Variants in LATS2 observed in about 807,000 individuals in gnomAD.
LATS2 encodes the protein serine/threonine-protein kinase LATS2.
LATS2 carries 24 observed loss-of-function variants against 76.0 expected under a neutral mutation model. That is an observed-to-expected ratio of 0.32 (90% confidence interval 0.23 to 0.44). The LOEUF is 0.44. Ranked by LOEUF, LATS2 falls within the 20% of genes least tolerant of loss-of-function variation. The probability of loss-of-function intolerance (pLI) is 1.00; values close to 1 mark genes in which losing one functional copy is unlikely to be tolerated. For synonymous variants in LATS2, 692 were observed against 635.4 expected (o/e 1.09, Z -1.34); for missense variants, 1,286 against 1,481.2 (o/e 0.87, Z 2.16).
rs1184394830 is a variant in LATS2, at chr13:21,007,758, A to ATT, written c.343-16355_343-16354insAA. ...ATAGTATATATATATATATATATAT[A>ATT]TATTTTTTTTTTTTTTTTGAGATGG... On this transcript the variant is annotated intron_variant, in intron 2 of 7. Coordinates refer to ENST00000382592, the MANE Select transcript of LATS2 (RefSeq NM_014572.3). Among the ~76,000 whole-genome samples, 2 of 5,908 alleles carry ATT rather than the reference A, an allele frequency of 3.4e-4. 1 individual carries two copies. The highest frequency in any genetic ancestry group is 1.4e-3 in the African/African-American group (2 of 1,450). The allele number at this position is 5,908 out of a possible 152,430, so 3.9% of individuals were successfully genotyped here. A position where few individuals can be genotyped will look rare whatever the true frequency, so the allele number is the denominator to read the frequency against.
chr13:21,010,299 C>G (rs755441778), intron 2 of LATS2, among the ~76,000 whole-genome samples: 5 of 152,120 alleles, frequency 3.3e-5, no homozygotes, highest in Non-Finnish European at 5.9e-5. Flanking sequence ...CTTCAACTCT[C>G]CTCCCCTGCC....
chr13:20,991,345 CT>C lies in LATS2; in HGVS notation c.401del (p.Glu134GlyfsTer34). The stretch of plus-strand genomic sequence containing the variant: ...CCAGGTAGCCCATCTTGCTGATGTA[CT>C]CCAGGGCGGCCTCGATGCTCCTGCT... ...TGSRSIEAAL[E>X]YISKMGYLDP... On this transcript the variant is annotated frameshift_variant, in exon 3 of 8. Transcript: ENST00000382592. LOFTEE classifies it high-confidence loss of function. This position sits in a 1 kb window ranked among gnomAD's most constrained non-coding sequence, Gnocchi z 4.9. 6.2e-7 allele frequency: 1 copy of C among 1,614,188 alleles called. No homozygotes were observed. The highest frequency in any genetic ancestry group is 8.5e-7 in the Non-Finnish European group (1 of 1,180,040).
intron 2 of LATS2, among the ~76,000 whole-genome samples, chr13:21,021,474 C>CAAAAAAAAAAAAAAA (rs58976562): frequency 2.1e-5 from 1 of 48,372 alleles, no homozygotes; most frequent in African/African-American, 6.9e-5. Flanking sequence ...GACTCTGTCT[C>CAAAAAAAAAAAAAAA]AAAAAAAAAA....
At chr13:21,014,615 C>A (rs1871729900) in intron 2 of LATS2, among the ~76,000 whole-genome samples, 1 of 152,226 alleles carries the variant, frequency 6.6e-6, no homozygotes, top group Non-Finnish European at 1.5e-5. Flanking sequence ...ACCATCCATG[C>A]AGCAACTGAA....
At chr13:21,003,357 G>A (rs564674771) in intron 2 of LATS2, among the ~76,000 whole-genome samples, 8 of 151,856 alleles carry the variant, frequency 5.3e-5, no homozygotes, top group South Asian at 4.2e-4. Context: ...AGGTCCAACC[G>A]ATCCTCCTAC....
At position 21,041,262 on chromosome 13, in the gene LATS2, G is replaced by A. The variant is rs532227217; in HGVS notation, c.342+4423C>T. Among the ~76,000 whole-genome samples the A allele has an allele frequency of 1.4e-3, 207 of 152,034 alleles. 1 individual carries two copies. The highest frequency in any genetic ancestry group is 2.2e-3 in the Non-Finnish European group (150 of 67,992). On this transcript the variant is annotated intron_variant, in intron 2 of 7. Coordinates refer to ENST00000382592, the MANE Select transcript of LATS2 (RefSeq NM_014572.3). ...GCTGGGATTACAGGTGTGAGCCACC[G>A]CGCCTGGCCCACTCCCTTTTCTTAT... is the stretch of plus-strand genomic sequence containing the variant.
In LATS2 at chr13:20,974,860, T is replaced by C. The variant is rs1417176491; in HGVS notation, c.*10A>G. The C allele has an allele frequency of 6.3e-7, 1 of 1,593,086 alleles. No homozygotes were observed. Among genetic ancestry groups the C allele is most frequent in the Non-Finnish European group, 8.6e-7 (1 of 1,168,624 alleles). ...GGAGGCAGCGAGTGGTGGGGGTGCC[T>C]GGCCCCCATCTACACGTACACAGGC... is the stretch of plus-strand genomic sequence containing the variant. On this transcript the variant is annotated 3_prime_UTR_variant, in exon 8 of 8. Coordinates refer to ENST00000382592, the MANE Select transcript of LATS2 (RefSeq NM_014572.3).
chr13:20,990,598 A>C (rs185931130), intron 3 of LATS2, among the ~76,000 whole-genome samples: 100 of 151,960 alleles, frequency 6.6e-4, no homozygotes, highest in African/African-American at 2.2e-3. Context: ...AAACAAAGCA[A>C]AACAAAACCA....
intron 1 of LATS2, among the ~76,000 whole-genome samples, chr13:21,055,456 T>C (rs1174112783): frequency 6.6e-6 from 1 of 152,204 alleles, no homozygotes; most frequent in African/African-American, 2.4e-5. Context: ...CACCTCATTC[T>C]CTAAATCCAG....
At chr13:21,002,039 G>C (rs1174630271) in intron 2 of LATS2, among the ~76,000 whole-genome samples, 1 of 151,760 alleles carries the variant, frequency 6.6e-6, no homozygotes, top group Non-Finnish European at 1.5e-5. Context: ...TCAGCCTCCT[G>C]AGTAGCTGGG....
At chr13:21,018,150 A>G (rs539698505) in intron 2 of LATS2, 4 of 152,356 alleles carry the variant, frequency 2.6e-5, no homozygotes, top group Admixed American at 2.6e-4. Flanking sequence ...CTGACAGTTC[A>G]AGGAGGTCTC....
At chr13:20,979,323 C>CTA (rs909506535) in intron 7 of LATS2, among the ~76,000 whole-genome samples, 3 of 151,956 alleles carry the variant, frequency 2.0e-5, no homozygotes, top group African/African-American at 7.3e-5. Flanking sequence ...GAGGGGTGAA[C>CTA]TATAGTTCCT....
At chr13:20,982,809 C>A (rs923780051) in intron 5 of LATS2, among the ~76,000 whole-genome samples, 2 of 150,166 alleles carry the variant, frequency 1.3e-5, no homozygotes, top group Admixed American at 6.6e-5. Flanking sequence ...CTGACCAACA[C>A]GGAGAAACCC....
At chr13:21,040,388 A>G (rs190431973) in intron 2 of LATS2, among the ~76,000 whole-genome samples, 355 of 151,822 alleles carry the variant, frequency 2.3e-3, no homozygotes, top group African/African-American at 7.8e-3. Context: ...AAAAAAAAAA[A>G]AAAGAAAGAA....
intron 1 of LATS2, among the ~76,000 whole-genome samples, chr13:21,056,068 T>G (rs997010690): frequency 6.6e-6 from 1 of 152,206 alleles, no homozygotes; most frequent in Non-Finnish European, 1.5e-5. Flanking sequence ...CTCAGAGAAT[T>G]TGGCATTGCC....
rs555248008 is a variant in LATS2, at chr13:20,987,826, T to C, written c.1899+55A>G. 3.3e-4 allele frequency: 511 copies of C among 1,571,314 alleles called. 1 individual carries two copies. The African/African-American group carries it at 6.1e-3, about 19-fold the overall frequency. On this transcript the variant is annotated intron_variant, in intron 4 of 7. Coordinates refer to ENST00000382592, the MANE Select transcript of LATS2 (RefSeq NM_014572.3). ...GAAAAGGGATTGTGCGTGCTTCCTA[T>C]TGCCAGTAGAGGGATGAGCCGGGAA...
intron 2 of LATS2, among the ~76,000 whole-genome samples, chr13:21,030,488 C>G (rs1167694474): frequency 6.7e-6 from 1 of 150,338 alleles, no homozygotes; most frequent in African/African-American, 2.5e-5. Flanking sequence ...ACTCGGCAGG[C>G]TGAGGCAGGA....
intron 2 of LATS2, among the ~76,000 whole-genome samples, chr13:21,043,525 A>C (rs1379517536): frequency 1.3e-5 from 2 of 152,204 alleles, no homozygotes; most frequent in Non-Finnish European, 2.9e-5. Flanking sequence ...TGGAGGGGAA[A>C]GGTGGAGGCA....
chr13:20,975,248 C>T lies in LATS2; in HGVS notation c.2889G>A (p.Gly963=). The T allele has an allele frequency of 1.2e-6, 2 of 1,614,204 alleles. No homozygotes were observed. The highest frequency in any genetic ancestry group is 2.2e-5 in the East Asian group (1 of 44,880). ...AGGGGTGGGCCTTCAGGTCATCGGCCCCATTCCGCCCCAGGCGGTGGTCTG... is the reference window on the plus strand; with the variant it reads ...AGGGGTGGGCCTTCAGGTCATCGGCTCCATTCCGCCCCAGGCGGTGGTCTG... The part of the protein sequence containing the change: ...CSADHRLGRN[G]ADDLKAHPFF... Residue 963 remains glycine, a synonymous_variant, in exon 8 of 8, where the codon GGG becomes GGA. Coordinates refer to ENST00000382592, the MANE Select transcript of LATS2 (RefSeq NM_014572.3).
Sources: gnomAD v4.1 joint callset for allele counts (sites outside exome capture counted in the v4.1 genomes callset) on GRCh38, gnomAD v4.1.1 for gene constraint, Gnocchi (gnomAD v3.1) non-coding constraint, MANE v1.5 for transcripts, NCBI Gene and HGNC (gene_info 2026-07-23, HGNC 2026-07-21) for gene names.